SLC25A40: variants seen among roughly 807,000 people sequenced by gnomAD.
The protein encoded by SLC25A40 is mitochondrial glutathione transporter SLC25A40.
Under a neutral mutation model 46.5 loss-of-function variants are expected in SLC25A40, and 41 were observed. The ratio of observed to expected loss-of-function variants is 0.88; its 90% confidence interval spans 0.69 to 1.14. The LOEUF (loss-of-function observed/expected upper bound fraction) is 1.14. SLC25A40 is among the 50% of genes most tolerant of loss of function. The pLI is 0.00. For missense variants in SLC25A40, 386 were observed against 393.6 expected (o/e 0.98, Z 0.16); for synonymous variants, 126 against 127.5 (o/e 0.99, Z 0.08).
chr7:87,858,974 G>T (rs906416786), intron 2 of SLC25A40, among the ~76,000 whole-genome samples: 1 of 152,092 alleles, frequency 6.6e-6, no homozygotes, highest in Non-Finnish European at 1.5e-5. Flanking sequence ...GAGTACAGAG[G>T]TATCAGCAAA....
chr7:87,862,328 C>T (rs1261170937), intron 1 of SLC25A40, among the ~76,000 whole-genome samples: 13 of 152,182 alleles, frequency 8.5e-5, no homozygotes, highest in African/African-American at 2.4e-4. Context: ...CCTCCCTCAA[C>T]TCCCTGCAAA....
At chr7:87,838,714 A>G (rs1838290927) in intron 10 of SLC25A40, among the ~76,000 whole-genome samples, 1 of 151,484 alleles carries the variant, frequency 6.6e-6, no homozygotes, top group Non-Finnish European at 1.5e-5. Flanking sequence ...ACCTCTAAAC[A>G]TATCCAGATG....
chr7:87,873,921 ACTT>A lies in SLC25A40; in HGVS notation c.-94+2172_-94+2174del, dbSNP rs572075325. Reference sequence around the variant, plus strand: ...ACCATAAATAACCCTGCCCCCATTCACTTCTTCTTAAATGTCTACCCTTCCTCT... The same window carrying A: ...ACCATAAATAACCCTGCCCCCATTCACTTCTTAAATGTCTACCCTTCCTCT... On this transcript the variant is annotated intron_variant, in intron 1 of 11. Transcript: ENST00000341119. Among the ~76,000 whole-genome samples, 159 of 152,216 alleles carry A rather than the reference ACTT, an allele frequency of 1.0e-3. 1 individual carries two copies. Among genetic ancestry groups the A allele is most frequent in the African/African-American group, 3.7e-3 (154 of 41,522 alleles).
intron 8 of SLC25A40, 35 bp downstream of exon 8, chr7:87,846,914 T>C: frequency 6.5e-7 from 1 of 1,537,604 alleles, no homozygotes; most frequent in Non-Finnish European, 8.8e-7. Flanking sequence ...CAAAGCCATG[T>C]AAAATTTAGT....
intron 1 of SLC25A40, among the ~76,000 whole-genome samples, chr7:87,861,135 C>A (rs1838691938): frequency 6.6e-6 from 1 of 152,052 alleles, no homozygotes; most frequent in African/African-American, 2.4e-5. Context: ...TAATGGATGC[C>A]ACATAACAGT....
In SLC25A40 at chr7:87,838,288, C is replaced by G. The variant is rs530052855; in HGVS notation, c.824-1478G>C. Among the ~76,000 whole-genome samples, 180 of 151,550 alleles carry G rather than the reference C, an allele frequency of 1.2e-3. 2 individuals carry two copies. Among genetic ancestry groups the G allele is most frequent in the Admixed American group, 2.2e-3 (33 of 15,170 alleles). ...TAAAAACAGGTCAAAGAATGGTGAT[C>G]AAGCAGCAGGTGTTTCTAATCTTGT... On this transcript the variant is annotated intron_variant, in intron 10 of 11. Coordinates refer to ENST00000341119, the MANE Select transcript of SLC25A40 (RefSeq NM_018843.4).
intron 1 of SLC25A40, among the ~76,000 whole-genome samples, chr7:87,872,408 A>G (rs1013619593): frequency 6.6e-6 from 1 of 152,198 alleles, no homozygotes; most frequent in Non-Finnish European, 1.5e-5. Context: ...AAGCTGAAAA[A>G]CAATAGGAAA....
intron 1 of SLC25A40, among the ~76,000 whole-genome samples, chr7:87,865,514 T>C (rs1332076626): frequency 1.3e-5 from 2 of 152,246 alleles, no homozygotes; most frequent in African/African-American, 4.8e-5. Context: ...CTGAGGCCTA[T>C]AATCCCAGCA....
intron 1 of SLC25A40, among the ~76,000 whole-genome samples, chr7:87,868,707 C>G (rs1287388218): frequency 6.6e-6 from 1 of 152,180 alleles, no homozygotes; most frequent in Non-Finnish European, 1.5e-5. Flanking sequence ...CCATTCCCTT[C>G]CTGGGCATGC....
At position 87,843,790 on chromosome 7, in the gene SLC25A40, A is replaced by C; in HGVS notation, c.705T>G (p.Phe235Leu). Reference protein sequence around the residue: ...CEKSGLYEPTFMINFTSGALS... With the variant: ...CEKSGLYEPTLMINFTSGALS... ...ATGCCCCTGAAGTAAAGTTGATCAT[A>C]AATGTTGGCTCATATAAACCAGATT... Residue 235 changes from phenylalanine to leucine, a missense_variant, in exon 9 of 12, where the codon TTT (phenylalanine) becomes TTG (leucine). Coordinates refer to ENST00000341119, the MANE Select transcript of SLC25A40 (RefSeq NM_018843.4). 1 of 1,611,432 alleles carries C rather than the reference A, an allele frequency of 6.2e-7. No homozygotes were observed. The highest frequency in any genetic ancestry group is 8.5e-7 in the Non-Finnish European group (1 of 1,178,326).
In SLC25A40 at chr7:87,856,516, G is replaced by A. The variant is rs779686068; in HGVS notation, c.98-165C>T. 2.6e-4 allele frequency: 180 copies of A among 691,600 alleles called. 1 individual carries two copies. Among genetic ancestry groups the A allele is most frequent in the Non-Finnish European group, 3.7e-4 (143 of 384,992 alleles). 42.8% of individuals were successfully genotyped at this position (691,600 alleles called of 1,614,324 possible). A position where few individuals can be genotyped will look rare whatever the true frequency, so the allele number is the denominator to read the frequency against. ...TTGAATGTAACATTCTAATTTTTTTGCCCTTAAATTTTGTTAATCAGTGAA... is the reference window on the plus strand; with the variant it reads ...TTGAATGTAACATTCTAATTTTTTTACCCTTAAATTTTGTTAATCAGTGAA... On this transcript the variant is annotated intron_variant, in intron 3 of 11. Transcript: ENST00000341119.
Position 87,869,285 on chromosome 7 carries a change from G to T in SLC25A40, c.-94+6811C>A, listed in dbSNP as rs368928594. On this transcript the variant is annotated intron_variant, in intron 1 of 11. Coordinates refer to ENST00000341119, the MANE Select transcript of SLC25A40 (RefSeq NM_018843.4). The stretch of plus-strand genomic sequence containing the variant: ...TCATGCCTGTATTCCTAGCACTTTG[G>T]GGGGCCGAGTGAGGCAAACTGCTTG... Among the ~76,000 whole-genome samples, 22 of 152,208 alleles carry T rather than the reference G, an allele frequency of 1.4e-4. No homozygotes were observed. The East Asian group carries it at 3.5e-3, about 24-fold the overall frequency.
At chr7:87,838,596 A>C (rs143834053) in intron 10 of SLC25A40, among the ~76,000 whole-genome samples, 14 of 151,638 alleles carry the variant, frequency 9.2e-5, no homozygotes, top group African/African-American at 2.9e-4. Flanking sequence ...TTTCAGATCC[A>C]GTTAAAGCCC....
At chr7:87,858,000 TA>T (rs1312372861) in intron 3 of SLC25A40, among the ~76,000 whole-genome samples, 1 of 152,172 alleles carries the variant, frequency 6.6e-6, no homozygotes, top group Non-Finnish European at 1.5e-5. Context: ...GTGGGAGGTC[TA>T]TACATGGCCA....
intron 1 of SLC25A40, among the ~76,000 whole-genome samples, chr7:87,864,218 T>C (rs1838752833): frequency 6.6e-6 from 1 of 152,210 alleles, no homozygotes. Flanking sequence ...ATTTTAAAAA[T>C]TTAATTGATA....
chr7:87,872,143 TCTTA>T (rs559800444), intron 1 of SLC25A40, among the ~76,000 whole-genome samples: 96 of 152,308 alleles, frequency 6.3e-4, no homozygotes, highest in African/African-American at 2.1e-3. Context: ...AATCATAACC[TCTTA>T]CTTAATCTTC....
rs1838226872 is a variant in SLC25A40, at chr7:87,833,980, C to T, written c.*2269G>A. On this transcript the variant is annotated 3_prime_UTR_variant, in exon 12 of 12. Transcript: ENST00000341119. ...ATATGTACTACTTTAAAGGTTGCAA[C>T]CATCTCATATTGAAAATTAAAGATG... 1 of 151,742 alleles carries T rather than the reference C, an allele frequency of 6.6e-6. No individual in the cohort carries two copies. The highest frequency in any genetic ancestry group is 1.5e-5 in the Non-Finnish European group (1 of 67,862). 9.4% of individuals were successfully genotyped at this position (151,742 alleles called of 1,614,324 possible).
intron 4 of SLC25A40, 27 bp downstream of exon 4, chr7:87,856,265 C>T (rs199649264): frequency 6.7e-7 from 1 of 1,502,232 alleles, no homozygotes; most frequent in Non-Finnish European, 9.0e-7. Flanking sequence ...TCAAACATAA[C>T]ATTTTTAGGG....
At position 87,833,598 on chromosome 7, in the gene SLC25A40, T is replaced by G. The variant is rs1838217979; in HGVS notation, c.*2651A>C. The G allele has an allele frequency of 6.6e-6, 1 of 151,938 alleles. No individual in the cohort carries two copies. The highest frequency in any genetic ancestry group is 1.5e-5 in the Non-Finnish European group (1 of 67,934). The allele number at this position is 151,938 out of a possible 1,614,324, so 9.4% of individuals were successfully genotyped here. ...GCAGTAATATCTTTTATTTAAAAAG[T>G]TCATCTTAGAAGAAAATTCAAAAGG... On this transcript the variant is annotated 3_prime_UTR_variant, in exon 12 of 12. Coordinates refer to ENST00000341119, the MANE Select transcript of SLC25A40 (RefSeq NM_018843.4).
Sources: allele counts gnomAD v4.1 joint callset (sites outside exome capture counted in the v4.1 genomes callset), GRCh38; gene constraint gnomAD v4.1.1; transcripts MANE v1.5; gene names NCBI Gene and HGNC (gene_info 2026-07-23, HGNC 2026-07-21).